MIS18A: variants seen among roughly 807,000 people sequenced by gnomAD.
MIS18A encodes the protein protein Mis18-alpha.
Under a neutral mutation model 25.0 loss-of-function variants are expected in MIS18A, and 14 were observed. That is an observed-to-expected ratio of 0.56 (90% CI 0.37 to 0.88). The LOEUF (loss-of-function observed/expected upper bound fraction) is 0.88. Ranked by LOEUF, MIS18A falls within the 40% of genes least tolerant of loss-of-function variation. The probability of loss-of-function intolerance (pLI) is 0.00; values close to 1 mark genes in which losing one functional copy is unlikely to be tolerated. For synonymous variants in MIS18A, 134 were observed against 118.6 expected, an observed-to-expected ratio of 1.13 and a Z score of -0.84; for missense variants, 292 against 290.8, an observed-to-expected ratio of 1.00 and a Z score of -0.03.
the MIS18A span, among the ~76,000 whole-genome samples, chr21:32,166,517 C>CAAAAGG: frequency 3.3e-5 from 5 of 152,020 alleles, no homozygotes; most frequent in African/African-American, 9.7e-5. Context: ...GGAGGCAGGT[C>CAAAAGG]AAAAGGACAT....
intron 2 of MIS18A, among the ~76,000 whole-genome samples, chr21:32,271,397 A>G (rs1398290807): frequency 6.6e-6 from 1 of 152,234 alleles, no homozygotes; most frequent in Non-Finnish European, 1.5e-5. Context: ...TCCTGCTATC[A>G]AGCAAAAGGG....
the MIS18A span, among the ~76,000 whole-genome samples, chr21:32,256,492 G>A: frequency 7.2e-5 from 11 of 152,250 alleles, no homozygotes; most frequent in South Asian, 2.1e-4. Flanking sequence ...TAAAAAGTAC[G>A]GTGACACGTG....
chr21:32,267,835 A>G (rs1249750265), downstream of MIS18A, among the ~76,000 whole-genome samples: 2 of 152,204 alleles, frequency 1.3e-5, no homozygotes, highest in South Asian at 4.1e-4. Flanking sequence ...ACAGCACCAT[A>G]GTCTGTTAGT....
At chr21:32,196,761 T>C in the MIS18A span, among the ~76,000 whole-genome samples, 1 of 152,118 alleles carries the variant, frequency 6.6e-6, no homozygotes, top group African/African-American at 2.4e-5. Context: ...GCCAAGCTAA[T>C]GTCTTATAAT....
At chr21:32,254,564 T>G in the MIS18A span, among the ~76,000 whole-genome samples, 1 of 152,170 alleles carries the variant, frequency 6.6e-6, no homozygotes, top group Non-Finnish European at 1.5e-5. Flanking sequence ...TTTATAACTT[T>G]AAATGGTTTT....
the MIS18A span, among the ~76,000 whole-genome samples, chr21:32,248,605 C>T: frequency 1.3e-5 from 2 of 152,204 alleles, no homozygotes. Flanking sequence ...TCATTCGTCT[C>T]GCTACCCTTC....
chr21:32,181,776 A>G, the MIS18A span, among the ~76,000 whole-genome samples: 1 of 152,156 alleles, frequency 6.6e-6, no homozygotes, highest in Non-Finnish European at 1.5e-5. Context: ...CTCTGTGCAC[A>G]TCTGGATCTG....
chr21:32,216,768 G>A, the MIS18A span, among the ~76,000 whole-genome samples: 1 of 152,204 alleles, frequency 6.6e-6, no homozygotes, highest in Non-Finnish European at 1.5e-5. Context: ...CTTCTTGACT[G>A]AATGTTAAAG....
the MIS18A span, among the ~76,000 whole-genome samples, chr21:32,248,395 A>T: frequency 6.6e-6 from 1 of 152,182 alleles, no homozygotes; most frequent in East Asian, 1.9e-4. Flanking sequence ...CTCTCTCCAC[A>T]CTGTCCTGGA....
chr21:32,247,084 C>T, the MIS18A span, among the ~76,000 whole-genome samples: 1 of 152,144 alleles, frequency 6.6e-6, no homozygotes, highest in Non-Finnish European at 1.5e-5. Flanking sequence ...AATTATTTAC[C>T]CTTCACTTTG....
At chr21:32,263,278 G>C (rs1475597347), downstream of MIS18A, among the ~76,000 whole-genome samples, 1 of 152,144 alleles carries the variant, frequency 6.6e-6, no homozygotes, top group Non-Finnish European at 1.5e-5. Context: ...AGGAGAGGTG[G>C]AGAATGTGGC....
the MIS18A span, among the ~76,000 whole-genome samples, chr21:32,214,144 A>G: frequency 2.0e-5 from 3 of 152,084 alleles, no homozygotes; most frequent in African/African-American, 7.2e-5. Flanking sequence ...CCTCACTCCC[A>G]TGGTGCCCAC....
intron 1 of MIS18A, among the ~76,000 whole-genome samples, chr21:32,276,951 A>G (rs1233810268): frequency 2.6e-5 from 4 of 152,226 alleles, no homozygotes; most frequent in African/African-American, 9.6e-5. Context: ...TTAAAAAAAA[A>G]CCTATTAAAT....
the MIS18A span, among the ~76,000 whole-genome samples, chr21:32,193,250 ACTGCAAG>A: frequency 6.6e-6 from 1 of 152,108 alleles, no homozygotes; most frequent in East Asian, 1.9e-4. Context: ...CCTGTCCTTA[ACTGCAAG>A]GAGAAAAGGC....
At chr21:32,269,158 A>G (rs1374233209) in intron 4 of MIS18A, 41 bp from the exon 5 acceptor site, 6 of 1,361,630 alleles carry the variant, frequency 4.4e-6, no homozygotes, top group Non-Finnish European at 5.1e-6. Flanking sequence ...AAACACACAT[A>G]TAATTAAAAA....
the MIS18A span, among the ~76,000 whole-genome samples, chr21:32,238,646 CA>C: frequency 6.6e-6 from 1 of 152,214 alleles, no homozygotes; most frequent in Non-Finnish European, 1.5e-5. Context: ...AATCAACCCC[CA>C]ATACCATCAC....
At chr21:32,234,407 A>C in the MIS18A span, among the ~76,000 whole-genome samples, 1 of 152,114 alleles carries the variant, frequency 6.6e-6, no homozygotes, top group Non-Finnish European at 1.5e-5. Context: ...AACGTGCTGA[A>C]GTTACCCAGG....
At chr21:32,253,214 G>T in the MIS18A span, among the ~76,000 whole-genome samples, 45 of 152,274 alleles carry the variant, frequency 3.0e-4, no homozygotes, top group Non-Finnish European at 1.8e-4. Context: ...ATGAGCAGGG[G>T]AGGGAAGGAA....
At chr21:32,183,030 G>C in the MIS18A span, among the ~76,000 whole-genome samples, 2 of 152,022 alleles carry the variant, frequency 1.3e-5, no homozygotes, top group South Asian at 4.1e-4. Flanking sequence ...ATGATCAAAG[G>C]GTTTATAAGT....
Sources: allele counts gnomAD v4.1 joint callset (sites outside exome capture counted in the v4.1 genomes callset), GRCh38; gene constraint gnomAD v4.1.1; transcripts MANE v1.5; gene names NCBI Gene and HGNC (gene_info 2026-07-23, HGNC 2026-07-21).